Variants in SEMA3E observed in about 807,000 individuals in gnomAD.
SEMA3E encodes the protein semaphorin-3E.
SEMA3E carries 49 observed loss-of-function variants against 93.6 expected under a neutral mutation model. That is an observed-to-expected ratio of 0.52 (90% CI 0.42 to 0.66). The LOEUF is 0.66. SEMA3E is among the 30% of genes least tolerant of loss of function. The pLI, the probability that SEMA3E is intolerant of heterozygous loss-of-function variation, is 0.00. For synonymous variants in SEMA3E, 363 were observed against 330.7 expected (o/e 1.10, Z -1.06); for missense variants, 906 against 964.8 (o/e 0.94, Z 0.81).
intron 1 of SEMA3E, among the ~76,000 whole-genome samples, chr7:83,613,999 G>T (rs1037756398): frequency 6.6e-6 from 1 of 152,042 alleles, no homozygotes; most frequent in Non-Finnish European, 1.5e-5. Flanking sequence ...TCTCTAATTG[G>T]AGCATCAAGT....
At chr7:83,403,780 G>A (rs935316438) in intron 9 of SEMA3E, among the ~76,000 whole-genome samples, 1 of 151,848 alleles carries the variant, frequency 6.6e-6, no homozygotes, top group Non-Finnish European at 1.5e-5. Context: ...GAAGCAATTG[G>A]AAATGCCTGG....
chr7:83,532,779 T>TG (rs1791328695), intron 1 of SEMA3E, among the ~76,000 whole-genome samples: 1 of 151,400 alleles, frequency 6.6e-6, no homozygotes, highest in Non-Finnish European at 1.5e-5. Context: ...ATTTCCTGTT[T>TG]TTTTTTTAAA....
intron 1 of SEMA3E, among the ~76,000 whole-genome samples, chr7:83,613,600 C>A (rs565388314): frequency 1.3e-5 from 2 of 152,082 alleles, no homozygotes; most frequent in African/African-American, 4.8e-5. Context: ...ATTAACAAAG[C>A]TTTTGAATTA....
intron 1 of SEMA3E, among the ~76,000 whole-genome samples, chr7:83,609,886 A>C (rs1319934498): frequency 6.6e-6 from 1 of 152,006 alleles, no homozygotes; most frequent in Non-Finnish European, 1.5e-5. Context: ...TACATTTATA[A>C]AATTAAATAT....
intron 1 of SEMA3E, among the ~76,000 whole-genome samples, chr7:83,596,314 T>C (rs2115965215): frequency 6.6e-6 from 1 of 152,124 alleles, no homozygotes; most frequent in African/African-American, 2.4e-5. Flanking sequence ...TCTTATATTT[T>C]TCCTGCTCCA....
At chr7:83,499,466 A>G (rs748578963) in intron 1 of SEMA3E, among the ~76,000 whole-genome samples, 1 of 152,194 alleles carries the variant, frequency 6.6e-6, no homozygotes, top group Non-Finnish European at 1.5e-5. Context: ...GAGGTTAAGC[A>G]TCTTTCATAT....
chr7:83,418,506 C>CATT, intron 4 of SEMA3E, 23 bp from the exon 5 acceptor site: 4 of 1,495,232 alleles, frequency 2.7e-6, no homozygotes, highest in Non-Finnish European at 3.7e-6. Flanking sequence ...CCAGAAAAAT[C>CATT]ATTATGAATA....
At chr7:83,597,964 A>G in intron 1 of SEMA3E, among the ~76,000 whole-genome samples, 1 of 152,230 alleles carries the variant, frequency 6.6e-6, no homozygotes, top group Non-Finnish European at 1.5e-5. Context: ...TAGAAAAATG[A>G]TCAGGTTCAC....
At chr7:83,628,850 G>A (rs186105757) in intron 1 of SEMA3E, among the ~76,000 whole-genome samples, 1 of 152,066 alleles carries the variant, frequency 6.6e-6, no homozygotes, top group East Asian at 2.0e-4. Flanking sequence ...GTGATCCTTT[G>A]GAGGAGAAGG....
intron 1 of SEMA3E, among the ~76,000 whole-genome samples, chr7:83,634,198 C>T (rs1188227684): frequency 2.0e-5 from 3 of 152,248 alleles, no homozygotes; most frequent in Non-Finnish European, 2.9e-5. Flanking sequence ...AACATAACCA[C>T]ATACAATAAA....
chr7:83,377,040 C>T (rs2116904720), intron 16 of SEMA3E, among the ~76,000 whole-genome samples: 1 of 151,912 alleles, frequency 6.6e-6, no homozygotes, highest in East Asian at 1.9e-4. Context: ...CCCCAAATTC[C>T]CCTACAGGAG....
chr7:83,409,354 T>C (rs780689952), intron 5 of SEMA3E, among the ~76,000 whole-genome samples: 1 of 152,150 alleles, frequency 6.6e-6, no homozygotes, highest in Non-Finnish European at 1.5e-5. Context: ...CCATCAGTTT[T>C]ACCAGAAGGA....
intron 2 of SEMA3E, among the ~76,000 whole-genome samples, chr7:83,488,445 A>C (rs1349545048): frequency 6.6e-6 from 1 of 152,124 alleles, no homozygotes; most frequent in East Asian, 1.9e-4. Context: ...TACAACCAAA[A>C]CTTTGAAATT....
chr7:83,486,559 A>C (rs1203839528), intron 2 of SEMA3E, among the ~76,000 whole-genome samples: 1 of 152,028 alleles, frequency 6.6e-6, no homozygotes, highest in African/African-American at 2.4e-5. Flanking sequence ...TCTTAAGCTC[A>C]CTCTTTTAAG....
At chr7:83,539,135 G>C (rs1404082636) in intron 1 of SEMA3E, among the ~76,000 whole-genome samples, 1 of 152,136 alleles carries the variant, frequency 6.6e-6, no homozygotes, top group Non-Finnish European at 1.5e-5. Context: ...TTTTGGGGCT[G>C]TGTGCATTTA....
chr7:83,470,863 T>TTTC (rs755847619), intron 2 of SEMA3E, among the ~76,000 whole-genome samples: 96 of 9,148 alleles, frequency 0.01, 1 homozygote, highest in East Asian at 0.33. Context: ...CCACATTTTC[T>TTTC]TTTTTTTTTT....
intron 1 of SEMA3E, among the ~76,000 whole-genome samples, chr7:83,561,723 TA>T (rs1462187507): frequency 3.3e-5 from 5 of 152,186 alleles, no homozygotes; most frequent in Non-Finnish European, 7.4e-5. Flanking sequence ...AAAGTTAGTC[TA>T]TTCATTTGAA....
intron 1 of SEMA3E, among the ~76,000 whole-genome samples, chr7:83,497,792 T>A (rs1430150552): frequency 1.3e-5 from 2 of 152,172 alleles, no homozygotes; most frequent in Non-Finnish European, 2.9e-5. Context: ...TTTTCACAAG[T>A]CAAAGGTGTA....
intron 1 of SEMA3E, among the ~76,000 whole-genome samples, chr7:83,638,877 C>T (rs1304989928): frequency 6.6e-6 from 1 of 151,580 alleles, no homozygotes; most frequent in Non-Finnish European, 1.5e-5. Flanking sequence ...TTTGGGAGGC[C>T]GAGGCGGGCG....
Sources: allele counts gnomAD v4.1 joint callset (sites outside exome capture counted in the v4.1 genomes callset), GRCh38; gene constraint gnomAD v4.1.1; transcripts MANE v1.5; gene names NCBI Gene and HGNC (gene_info 2026-07-23, HGNC 2026-07-21).